NEGR1: variants seen among roughly 807,000 people sequenced by gnomAD.
The protein encoded by NEGR1 is IgLON family member 4.
Under a neutral mutation model 40.9 loss-of-function variants are expected in NEGR1, and 10 were observed. The ratio of observed to expected loss-of-function variants is 0.24; its 90% CI spans 0.15 to 0.42. The LOEUF (loss-of-function observed/expected upper bound fraction) is 0.42. Ranked by LOEUF, NEGR1 falls within the 10% of genes least tolerant of loss-of-function variation. The pLI, the probability that NEGR1 is intolerant of heterozygous loss-of-function variation, is 1.00. For missense variants in NEGR1, 352 were observed against 438.9 expected (o/e 0.80, Z 1.77); for synonymous variants, 185 against 166.8 (o/e 1.11, Z -0.84).
At chr1:71,620,671 A>C (rs181448128) in intron 4 of NEGR1, among the ~76,000 whole-genome samples, 4 of 152,136 alleles carry the variant, frequency 2.6e-5, no homozygotes, top group Non-Finnish European at 5.9e-5. Context: ...AACTTCCAAA[A>C]TATAGTTGAA....
chr1:71,686,087 G>T (rs563212067), intron 4 of NEGR1, among the ~76,000 whole-genome samples: 1 of 151,972 alleles, frequency 6.6e-6, no homozygotes, highest in African/African-American at 2.4e-5. Context: ...AATTTGGTAG[G>T]CTATACTTCA....
intron 6 of NEGR1, chr1:71,490,070 T>C (rs932518216): frequency 6.6e-6 from 1 of 152,040 alleles, no homozygotes; most frequent in South Asian, 2.1e-4. Flanking sequence ...ATGCTATGCA[T>C]TGTTCTTTAC....
chr1:71,468,656 C>G (rs1646762690), intron 6 of NEGR1: 1 of 151,952 alleles, frequency 6.6e-6, no homozygotes, highest in Non-Finnish European at 1.5e-5. Flanking sequence ...TGAAACTACC[C>G]TCACATTATG....
At chr1:71,944,151 C>T (rs1029955680) in intron 1 of NEGR1, among the ~76,000 whole-genome samples, 1 of 152,164 alleles carries the variant, frequency 6.6e-6, no homozygotes, top group African/African-American at 2.4e-5. Context: ...TGATAACTGG[C>T]AGGTGCTCTG....
rs541791821 is a variant in NEGR1 at position 71,783,225 on chromosome 1, G to A, written c.410-6928C>T. On this transcript the variant is annotated intron_variant, in intron 2 of 6. Transcript: ENST00000357731. ...TTTTGCACTCCCATATCTGGTAATG[G>A]CTGGCAATATCAAAAGAACATCCTT... Among the ~76,000 whole-genome samples, 73 of 152,126 alleles carry A rather than the reference G, an allele frequency of 4.8e-4. 1 individual carries two copies. The South Asian group carries it at 0.014, about 28-fold the overall frequency.
intron 1 of NEGR1, among the ~76,000 whole-genome samples, chr1:72,259,828 G>A (rs1446016291): frequency 2.0e-5 from 3 of 151,990 alleles, no homozygotes; most frequent in Non-Finnish European, 1.5e-5. Flanking sequence ...TGGTTCTATC[G>A]CAGGCAAAAT....
At chr1:72,193,658 A>T (rs989161577) in intron 1 of NEGR1, among the ~76,000 whole-genome samples, 1 of 150,696 alleles carries the variant, frequency 6.6e-6, no homozygotes, top group Non-Finnish European at 1.5e-5. Flanking sequence ...AAATATATAT[A>T]TTTTTCATAT....
In NEGR1 at chr1:71,863,523, C is replaced by A. The variant is rs570157876; in HGVS notation, c.409+71556G>T. On this transcript the variant is annotated intron_variant, in intron 2 of 6. Transcript: ENST00000357731. ...CTTAATACCTAGGTGATGGGTTGAT[C>A]TGTGCCCCAAACCACCATGGCACAT... is the stretch of plus-strand genomic sequence containing the variant. Among the ~76,000 whole-genome samples the A allele has an allele frequency of 1.5e-4, 23 of 152,220 alleles. 1 individual carries two copies. In the South Asian group the frequency reaches 3.7e-3, roughly 25 times the overall value.
intron 6 of NEGR1, among the ~76,000 whole-genome samples, chr1:71,481,107 C>T (rs1483042984): frequency 6.6e-6 from 1 of 151,850 alleles, no homozygotes; most frequent in Non-Finnish European, 1.5e-5. Flanking sequence ...TAAGCCTTTA[C>T]CAGGCAAGGA....
intron 1 of NEGR1, among the ~76,000 whole-genome samples, chr1:72,272,985 T>C (rs1395432590): frequency 6.6e-6 from 1 of 151,964 alleles, no homozygotes; most frequent in Non-Finnish European, 1.5e-5. Context: ...AAGAGACCAA[T>C]TCCCATGCCA....
intron 1 of NEGR1, among the ~76,000 whole-genome samples, chr1:71,992,501 G>C (rs1646462845): frequency 8.3e-6 from 1 of 119,884 alleles, no homozygotes; most frequent in South Asian, 3.0e-4. Context: ...AAAAAGATAA[G>C]GTGAAATAAA....
intron 1 of NEGR1, among the ~76,000 whole-genome samples, chr1:71,988,545 C>CAA (rs1197884975): frequency 0.028 from 1,093 of 39,210 alleles, 75 homozygotes; most frequent in Middle Eastern, 0.062. Flanking sequence ...GACTCCGTCT[C>CAA]AAAAAAAAAA....
At chr1:72,151,328 T>C (rs956158620) in intron 1 of NEGR1, among the ~76,000 whole-genome samples, 2 of 151,402 alleles carry the variant, frequency 1.3e-5, no homozygotes, top group South Asian at 4.1e-4. Context: ...TTTTAGGCAT[T>C]ATACTAATTT....
chr1:71,909,309 C>T (rs1158243390), intron 2 of NEGR1, among the ~76,000 whole-genome samples: 1 of 152,096 alleles, frequency 6.6e-6, no homozygotes, highest in Non-Finnish European at 1.5e-5. Flanking sequence ...TATCAGACAA[C>T]ATAGGACTGA....
chr1:71,418,382 C>A (rs758013941), intron 6 of NEGR1, among the ~76,000 whole-genome samples: 3 of 151,742 alleles, frequency 2.0e-5, no homozygotes, highest in Non-Finnish European at 4.4e-5. Flanking sequence ...GGGGCAATCT[C>A]GGCTCACTGC....
intron 2 of NEGR1, among the ~76,000 whole-genome samples, chr1:71,834,349 C>G (rs1406603370): frequency 6.6e-6 from 1 of 151,962 alleles, no homozygotes; most frequent in African/African-American, 2.4e-5. Flanking sequence ...GATCAATGAA[C>G]TGAGTAAAAT....
intron 1 of NEGR1, among the ~76,000 whole-genome samples, chr1:72,023,198 CTT>C (rs1261112165): frequency 6.6e-6 from 1 of 152,172 alleles, no homozygotes; most frequent in East Asian, 1.9e-4. Flanking sequence ...CTCCTAACTA[CTT>C]TCCTGTCTTT....
intron 4 of NEGR1, among the ~76,000 whole-genome samples, chr1:71,673,900 G>T (rs184924231): frequency 2.4e-4 from 37 of 152,066 alleles, no homozygotes; most frequent in African/African-American, 8.2e-4. Flanking sequence ...ACATGTGGAC[G>T]AATTACAGAG....
At chr1:71,702,964 G>C (rs533687534) in intron 3 of NEGR1, among the ~76,000 whole-genome samples, 1 of 152,068 alleles carries the variant, frequency 6.6e-6, no homozygotes, top group Non-Finnish European at 1.5e-5. Context: ...AGTGGTGCAG[G>C]TTTTAAAGAG....
Sources: gnomAD v4.1 joint callset for allele counts (sites outside exome capture counted in the v4.1 genomes callset) on GRCh38, gnomAD v4.1.1 for gene constraint, MANE v1.5 for transcripts, NCBI Gene and HGNC (gene_info 2026-07-23, HGNC 2026-07-21) for gene names.